Variants in RYR1 observed in about 807,000 individuals in gnomAD.
RYR1 encodes central core disease of muscle.
A neutral mutation model predicts 583.5 loss-of-function variants in RYR1; 342 were observed. The observed-to-expected ratio is 0.59, with a 90% confidence interval of 0.54 to 0.64. The LOEUF (loss-of-function observed/expected upper bound fraction) is 0.64, where lower values mean the gene tolerates loss of function less well. Among genes scored for constraint, RYR1 ranks in the 30% least tolerant of loss-of-function variants. The probability of loss-of-function intolerance (pLI) is 0.00; values close to 1 mark genes in which losing one functional copy is unlikely to be tolerated. For missense variants in RYR1, 6,032 were observed against 6,917.2 expected, an observed-to-expected ratio of 0.87 and a Z score of 4.54; for synonymous variants, 2,791 against 2,822.5, an observed-to-expected ratio of 0.99 and a Z score of 0.35.
intron 63 of RYR1, among the ~76,000 whole-genome samples, chr19:38,513,735 CAA>C (rs35735689): frequency 6.2e-5 from 8 of 128,190 alleles, no homozygotes; most frequent in Non-Finnish European, 6.7e-5. Flanking sequence ...GACTCCATCT[CAA>C]AAAAAAAAAA....
chr19:38,513,591 C>T (rs554313097), intron 63 of RYR1, among the ~76,000 whole-genome samples: 10 of 152,170 alleles, frequency 6.6e-5, no homozygotes, highest in East Asian at 3.9e-4. Flanking sequence ...AAATTGTTGG[C>T]GGGGCATGGT....
chr19:38,532,367 C>A, intron 76 of RYR1, 123 bp from the exon 77 acceptor site: 1 of 930,614 alleles, frequency 1.1e-6, no homozygotes, highest in Non-Finnish European at 1.7e-6. Context: ...AAGTGATCTG[C>A]CTGCCTCAGC....
chr19:38,564,063 A>T (rs1369442083), intron 90 of RYR1, among the ~76,000 whole-genome samples: 1 of 152,236 alleles, frequency 6.6e-6, no homozygotes, highest in Non-Finnish European at 1.5e-5. Context: ...AGCTCTCTCT[A>T]TAGGTTTGCT....
At position 38,488,693 on chromosome 19, in the gene RYR1, C is replaced by T. The variant is rs113777190; in HGVS notation, c.5548-484C>T. 8.7e-3 allele frequency among the ~76,000 whole-genome samples: 1,318 copies of T among 152,088 alleles called. 25 individuals carry two copies. Among genetic ancestry groups the T allele is most frequent in the African/African-American group, 0.03 (1,243 of 41,476 alleles). ...ATTTTTTTTTGTATTTTTGTAGAGACGGGGTTTCACCATGTTGGCCAGGCT... is the reference window on the plus strand; with the variant it reads ...ATTTTTTTTTGTATTTTTGTAGAGATGGGGTTTCACCATGTTGGCCAGGCT... On this transcript the variant is annotated intron_variant, in intron 34 of 105. Transcript: ENST00000359596.
Position 38,572,008 on chromosome 19 carries a change from C to T in RYR1, c.13747-11C>T. On this transcript the variant is annotated splice_polypyrimidine_tract_variant and intron_variant, in intron 94 of 105. Transcript: ENST00000359596. Reference sequence around the variant, plus strand: ...GGCAGACCCACAGATGAATCTCTGTCCCCATTTCAGGTCTCAGACTCTCCA... The same window carrying T: ...GGCAGACCCACAGATGAATCTCTGTTCCCATTTCAGGTCTCAGACTCTCCA... 6.2e-7 allele frequency: 1 copy of T among 1,613,812 alleles called. No homozygotes were observed. The highest frequency in any genetic ancestry group is 8.5e-7 in the Non-Finnish European group (1 of 1,180,028).
rs898175740 is a variant in RYR1 at position 38,565,369 on chromosome 19, C to T, written c.13035C>T (p.Ala4345=). The change falls in exon 91 of 106, where the codon GCC becomes GCT. Residue 4345 remains alanine, a synonymous_variant. Transcript: ENST00000359596. This position sits in a 1 kb window ranked among gnomAD's most constrained non-coding sequence, Gnocchi z 4.7. ...LLWAAVTRAG[A]AGAGAAAGAL... ...GGGCAGCAGTGACGCGCGCTGGGGC[C>T]GCTGGCGCGGGGGCGGCGGCGGGCG... 1.2e-5 allele frequency: 16 copies of T among 1,324,646 alleles called. No homozygotes were observed. In the African/African-American group the frequency reaches 2.0e-4, roughly 17 times the overall value. 82.1% of individuals were successfully genotyped at this position (1,324,646 alleles called of 1,614,324 possible).
chr19:38,440,035 G>A (rs999910087), intron 1 of RYR1, among the ~76,000 whole-genome samples: 1 of 152,236 alleles, frequency 6.6e-6, no homozygotes, highest in Admixed American at 6.5e-5. Flanking sequence ...GGCCTCTGGA[G>A]CCAGTTGGAC....
chr19:38,578,834 A>G lies in RYR1; in HGVS notation c.14364+630A>G, dbSNP rs540266646. ...AACACAAAAAATTAGCCAGGCAGAC[A>G]GGCACAGTGGCTCAGGCCTATAATC... On this transcript the variant is annotated intron_variant, in intron 99 of 105. Transcript: ENST00000359596. Among the ~76,000 whole-genome samples the G allele has an allele frequency of 1.4e-4, 21 of 150,880 alleles. No individual in the cohort carries two copies. The South Asian group carries it at 4.4e-3, about 32-fold the overall frequency.
chr19:38,582,717 A>C (rs1405255738), intron 101 of RYR1, among the ~76,000 whole-genome samples: 3 of 152,288 alleles, frequency 2.0e-5, no homozygotes, highest in Admixed American at 2.0e-4. Context: ...TTTCTCTTCT[A>C]TTCTAATAAT....
chr19:38,453,818 G>C (rs1379014874), intron 13 of RYR1, among the ~76,000 whole-genome samples: 2 of 151,954 alleles, frequency 1.3e-5, no homozygotes, highest in East Asian at 3.9e-4. Context: ...AGGCTTGGGT[G>C]GGGGAGTGGG....
chr19:38,462,737 C>T (rs1453813067), intron 20 of RYR1, among the ~76,000 whole-genome samples: 1 of 152,136 alleles, frequency 6.6e-6, no homozygotes, highest in East Asian at 1.9e-4. Flanking sequence ...GCAAACATTT[C>T]CTGAGCCTCT....
intron 90 of RYR1, among the ~76,000 whole-genome samples, chr19:38,562,431 G>A (rs1419044009): frequency 1.3e-5 from 2 of 151,838 alleles, no homozygotes; most frequent in Non-Finnish European, 1.5e-5. Context: ...TCATTCTCTT[G>A]CACACACACT....
At chr19:38,522,954 CA>C in intron 67 of RYR1, 73 bp from the exon 68 acceptor site, 2 of 1,227,456 alleles carry the variant, frequency 1.6e-6, no homozygotes, top group Non-Finnish European at 2.3e-6. Context: ...TCTCCTCCTC[CA>C]AGATCTCTCT....
At position 38,496,675 on chromosome 19, in the gene RYR1, G is replaced by A; in HGVS notation, c.6796+134G>A. On this transcript the variant is annotated intron_variant, in intron 41 of 105. Transcript: ENST00000359596. The surrounding 1 kb of genome is among the most constrained non-coding windows in gnomAD (Gnocchi z 4.8). ...AACTGTGGTTCTGGCCCTGTAATGA[G>A]TAATGCTGGGGACACAATAGTGACC... The A allele has an allele frequency of 1.6e-6, 2 of 1,249,148 alleles. No homozygotes were observed. The highest frequency in any genetic ancestry group is 2.3e-6 in the Non-Finnish European group (2 of 862,592). 77.4% of individuals were successfully genotyped at this position (1,249,148 alleles called of 1,614,324 possible). A position where few individuals can be genotyped will look rare whatever the true frequency, so the allele number is the denominator to read the frequency against.
intron 101 of RYR1, among the ~76,000 whole-genome samples, chr19:38,582,939 TA>T (rs1280436400): frequency 6.6e-6 from 1 of 152,162 alleles, no homozygotes; most frequent in African/African-American, 2.4e-5. Flanking sequence ...GTTCTCATTA[TA>T]GTCACTTATC....
chr19:38,575,931 C>A lies in RYR1; in HGVS notation c.14142C>A (p.Ser4714Arg). Residue 4714 changes from serine (S) to arginine (R), a missense_variant, in exon 97 of 106, where the codon AGC becomes AGA. Ser to Arg is a moderately radical substitution (Grantham distance 110). Transcript: ENST00000359596. ...TCTCTCTCTGCAGGTCTTTCCCTAG[C>A]AACTACTGGGACAAGTTTGTCAAGC... ...RLVLNTPSFP[S>R]NYWDKFVKRK... 1 of 1,614,186 alleles carries A rather than the reference C, an allele frequency of 6.2e-7. No homozygotes were observed.
rs1258200418 is a variant in RYR1 at position 38,490,114 on chromosome 19, G to A, written c.5853G>A (p.Leu1951=). ...TGGAGTATTTCTGTGACCAAGAGCT[G>A]CAGCACCGTGTGGAGTCCCTGGCAG... The part of the protein sequence containing the change: ...HLLEYFCDQE[L]QHRVESLAAF... The change falls in exon 36 of 106, where the codon CTG becomes CTA. Residue 1951 remains leucine, a synonymous_variant. Transcript: ENST00000359596. 2.5e-6 allele frequency: 4 copies of A among 1,614,220 alleles called. No individual in the cohort carries two copies. The Admixed American group carries it at 5.0e-5, about 20-fold the overall frequency.
intron 90 of RYR1, among the ~76,000 whole-genome samples, chr19:38,564,482 T>G (rs1973294101): frequency 6.6e-6 from 1 of 151,902 alleles, no homozygotes; most frequent in Admixed American, 6.5e-5. Flanking sequence ...ACAGCGTCAC[T>G]TCATTCCAGC....
chr19:38,529,455 G>A (rs1568543395), intron 76 of RYR1, among the ~76,000 whole-genome samples: 2 of 152,170 alleles, frequency 1.3e-5, no homozygotes, highest in Non-Finnish European at 2.9e-5. Context: ...ACTCCAGCCT[G>A]GGCGACAGAG....
Sources: allele counts gnomAD v4.1 joint callset (sites outside exome capture counted in the v4.1 genomes callset), GRCh38; gene constraint gnomAD v4.1.1; non-coding constraint Gnocchi (gnomAD v3.1); transcripts MANE v1.5; gene names NCBI Gene and HGNC (gene_info 2026-07-23, HGNC 2026-07-21).